TTC7B: variants seen among roughly 807,000 people sequenced by gnomAD.
The protein encoded by TTC7B is tetratricopeptide repeat domain 7B.
TTC7B carries 28 observed loss-of-function variants against 106.8 expected under a neutral mutation model. The observed-to-expected ratio is 0.26, with a 90% CI of 0.19 to 0.36. The LOEUF is 0.36. Ranked by LOEUF, TTC7B falls within the 10% of genes least tolerant of loss-of-function variation. The pLI is 1.00. For synonymous variants in TTC7B, 405 were observed against 430.6 expected (o/e 0.94, Z 0.74); for missense variants, 862 against 1,076.4 (o/e 0.80, Z 2.79).
At chr14:90,696,882 C>A (rs1404325450) in intron 5 of TTC7B, among the ~76,000 whole-genome samples, 1 of 152,226 alleles carries the variant, frequency 6.6e-6, no homozygotes, top group African/African-American at 2.4e-5. Flanking sequence ...CTGGGACATG[C>A]AATCTACTCT....
intron 5 of TTC7B, among the ~76,000 whole-genome samples, chr14:90,718,754 T>C (rs1390650466): frequency 6.6e-6 from 1 of 151,510 alleles, no homozygotes; most frequent in Non-Finnish European, 1.5e-5. Flanking sequence ...AAATGAAAAG[T>C]ACATCCATTT....
intron 5 of TTC7B, among the ~76,000 whole-genome samples, chr14:90,715,716 T>G (rs1888629690): frequency 6.6e-6 from 1 of 152,194 alleles, no homozygotes; most frequent in Non-Finnish European, 1.5e-5. Context: ...TGCACAACTC[T>G]GCCTCTCACG....
At chr14:90,557,112 C>G (rs1049429978) in intron 19 of TTC7B, among the ~76,000 whole-genome samples, 1 of 152,306 alleles carries the variant, frequency 6.6e-6, no homozygotes, top group East Asian at 1.9e-4. Flanking sequence ...TCCCAAAGAC[C>G]CTGACAGAGC....
intron 19 of TTC7B, among the ~76,000 whole-genome samples, chr14:90,568,382 C>T (rs913287484): frequency 1.3e-5 from 2 of 152,106 alleles, no homozygotes; most frequent in African/African-American, 2.4e-5. Flanking sequence ...ATAAATGGTT[C>T]GGCTAGAGTA....
chr14:90,696,647 C>T (rs981083452), intron 5 of TTC7B, among the ~76,000 whole-genome samples: 4 of 152,202 alleles, frequency 2.6e-5, no homozygotes, highest in African/African-American at 9.7e-5. Context: ...CTTATACCTA[C>T]ATGACATCCC....
chr14:90,596,296 G>A (rs1479579270), intron 17 of TTC7B, among the ~76,000 whole-genome samples: 2 of 152,226 alleles, frequency 1.3e-5, no homozygotes, highest in East Asian at 1.9e-4. Flanking sequence ...TGGATTAACT[G>A]TTTTGTTTGG....
At chr14:90,739,471 T>C (rs1484549146) in intron 4 of TTC7B, among the ~76,000 whole-genome samples, 1 of 152,172 alleles carries the variant, frequency 6.6e-6, no homozygotes. Flanking sequence ...CTAATCCAGT[T>C]TGGAATCCAA....
chr14:90,806,262 C>T (rs780436282), intron 1 of TTC7B, among the ~76,000 whole-genome samples: 1 of 152,210 alleles, frequency 6.6e-6, no homozygotes, highest in Non-Finnish European at 1.5e-5. Context: ...ACTGAATGAA[C>T]GGCTGGAGGA....
chr14:90,806,296 CGTGG>C, intron 1 of TTC7B, among the ~76,000 whole-genome samples: 1 of 152,336 alleles, frequency 6.6e-6, no homozygotes, highest in Admixed American at 6.5e-5. Flanking sequence ...GTCTGGCAGC[CGTGG>C]GCTGAAGCCC....
chr14:90,653,479 T>G (rs1398894577), intron 12 of TTC7B, among the ~76,000 whole-genome samples: 1 of 152,162 alleles, frequency 6.6e-6, no homozygotes, highest in Non-Finnish European at 1.5e-5. Flanking sequence ...ACACTGATCA[T>G]GGAAAATGAG....
intron 3 of TTC7B, among the ~76,000 whole-genome samples, chr14:90,755,908 A>G (rs1483167036): frequency 1.3e-5 from 2 of 152,270 alleles, no homozygotes; most frequent in Admixed American, 1.3e-4. Context: ...TCTTCTCATT[A>G]TATGTCTTTC....
chr14:90,697,302 A>G (rs1291401043), intron 5 of TTC7B: 1 of 147,068 alleles, frequency 6.8e-6, no homozygotes, highest in African/African-American at 2.7e-5. Flanking sequence ...ACAGTTACAG[A>G]AGCACAGAAT....
At chr14:90,658,511 T>A in intron 9 of TTC7B, 124 bp from the exon 10 acceptor site, 1 of 889,766 alleles carries the variant, frequency 1.1e-6, no homozygotes, top group Non-Finnish European at 1.8e-6. Context: ...CTTGAATGCT[T>A]AAAACATAAT....
At position 90,742,255 on chromosome 14, in the gene TTC7B, CT is replaced by C. The variant is rs565397887; in HGVS notation, c.576+2536del. Among the ~76,000 whole-genome samples, 4 of 151,930 alleles carry C rather than the reference CT, an allele frequency of 2.6e-5. No individual in the cohort carries two copies. The highest frequency in any genetic ancestry group is 7.2e-5 in the African/African-American group (3 of 41,462). On this transcript the variant is annotated intron_variant, in intron 4 of 19. Coordinates refer to ENST00000328459, the MANE Select transcript of TTC7B (RefSeq NM_001010854.2). The surrounding 1 kb of genome is among the most constrained non-coding windows in gnomAD (Gnocchi z 4.1). ...CGCTTCTTTCTTTCTTCCTTTCTTT[CT>C]TTTTTTTCTTTTGTTTCTCTCTCTC...
intron 3 of TTC7B, among the ~76,000 whole-genome samples, chr14:90,753,619 C>G (rs1890199471): frequency 6.6e-6 from 1 of 152,178 alleles, no homozygotes; most frequent in African/African-American, 2.4e-5. Flanking sequence ...TGGGGGGAAG[C>G]AGAGGGACAG....
rs1889279579 is a variant in TTC7B at position 90,531,406 on chromosome 14, C to T, written c.*9962G>A. ...CCTACATGGTGAAACTCTGTCTCTA[C>T]TAAGCACAAAAAATCAAAAATACAA... On this transcript the variant is annotated 3_prime_UTR_variant, in exon 20 of 20. Transcript: ENST00000328459. The T allele has an allele frequency of 6.6e-6, 1 of 151,302 alleles. No individual in the cohort carries two copies. The highest frequency in any genetic ancestry group is 1.5e-5 in the Non-Finnish European group (1 of 67,958). The allele number at this position is 151,302 out of a possible 1,614,324, so 9.4% of individuals were successfully genotyped here. A position where few individuals can be genotyped will look rare whatever the true frequency, so the allele number is the denominator to read the frequency against.
chr14:90,552,044 G>A (rs1294396016), intron 19 of TTC7B, among the ~76,000 whole-genome samples: 1 of 152,240 alleles, frequency 6.6e-6, no homozygotes, highest in Non-Finnish European at 1.5e-5. Context: ...TTGCCAGGGG[G>A]CCAAGTGTGT....
rs373321702 is a variant in TTC7B, at chr14:90,567,309, C to A, written c.2310+10797G>T. ...GCTGGCAACTCAGGCACGTCCTGGG[C>A]TCAGGGCAGCTGTGAGTGCAGGCAT... On this transcript the variant is annotated intron_variant, in intron 19 of 19. Coordinates refer to ENST00000328459, the MANE Select transcript of TTC7B (RefSeq NM_001010854.2). 1.2e-4 allele frequency among the ~76,000 whole-genome samples: 19 copies of A among 152,332 alleles called. No individual in the cohort carries two copies. In the East Asian group the frequency reaches 3.5e-3, roughly 28 times the overall value.
At chr14:90,724,656 C>T (rs1158661480) in intron 5 of TTC7B, among the ~76,000 whole-genome samples, 1 of 152,190 alleles carries the variant, frequency 6.6e-6, no homozygotes, top group Non-Finnish European at 1.5e-5. Context: ...TTTCTTGGGG[C>T]CTCCCCATAA....
Sources: allele counts gnomAD v4.1 joint callset (sites outside exome capture counted in the v4.1 genomes callset), GRCh38; gene constraint gnomAD v4.1.1; non-coding constraint Gnocchi (gnomAD v3.1); transcripts MANE v1.5; gene names NCBI Gene and HGNC (gene_info 2026-07-23, HGNC 2026-07-21).